MAST2: variants seen among roughly 807,000 people sequenced by gnomAD.
MAST2 encodes the protein microtubule associated serine/threonine kinase 2, also known as microtubule-associated serine/threonine-protein kinase 2.
In MAST2, 70 loss-of-function variants were observed where a neutral mutation model predicts 147.4. The ratio of observed to expected loss-of-function variants is 0.47; its 90% confidence interval spans 0.39 to 0.58. The LOEUF is 0.58. Among genes scored for constraint, MAST2 ranks in the 20% least tolerant of loss-of-function variants. The pLI, the probability that MAST2 is intolerant of heterozygous loss-of-function variation, is 0.00. For missense variants in MAST2, 2,080 were observed against 2,302.3 expected (o/e 0.90, Z 1.98); for synonymous variants, 869 against 896.8 (o/e 0.97, Z 0.55).
intron 17 of MAST2, 119 bp downstream of exon 17, chr1:46,027,982 A>G (rs1020099889): frequency 2.2e-5 from 26 of 1,209,304 alleles, no homozygotes; most frequent in Non-Finnish European, 2.8e-5. Context: ...GCTTGAGGCC[A>G]GCCTGGGCAA....
intron 3 of MAST2, among the ~76,000 whole-genome samples, chr1:45,869,482 A>G (rs1646292316): frequency 6.6e-6 from 1 of 152,216 alleles, no homozygotes; most frequent in Non-Finnish European, 1.5e-5. Flanking sequence ...TCCTGTAGAT[A>G]TATTTTATTT....
At chr1:45,856,304 AAC>A (rs1334804223) in intron 3 of MAST2, among the ~76,000 whole-genome samples, 4 of 152,216 alleles carry the variant, frequency 2.6e-5, no homozygotes, top group Non-Finnish European at 5.9e-5. Flanking sequence ...TAAAAATAAT[AAC>A]AGTTACAATT....
At chr1:45,887,591 A>G (rs1647151021) in intron 4 of MAST2, among the ~76,000 whole-genome samples, 1 of 152,180 alleles carries the variant, frequency 6.6e-6, no homozygotes, top group South Asian at 2.1e-4. Context: ...TGATGTGTCA[A>G]ACTTTGTTCC....
At position 45,885,255 on chromosome 1, in the gene MAST2, C is replaced by T. The variant is rs886839629; in HGVS notation, c.500+2860C>T. ...TTTCTTAGAATGGTTCTCCCAAGAG[C>T]GAATCCTATGGTGTGCTCATTCCAG... is the stretch of plus-strand genomic sequence containing the variant. On this transcript the variant is annotated intron_variant, in intron 4 of 28. Coordinates refer to ENST00000361297, the MANE Select transcript of MAST2 (RefSeq NM_015112.3). 3.3e-5 allele frequency among the ~76,000 whole-genome samples: 5 copies of T among 152,244 alleles called. No homozygotes were observed. In the South Asian group the frequency reaches 6.2e-4, roughly 19 times the overall value.
chr1:45,980,158 G>A (rs938281167), intron 5 of MAST2, among the ~76,000 whole-genome samples: 4 of 151,436 alleles, frequency 2.6e-5, no homozygotes, highest in Admixed American at 1.3e-4. Flanking sequence ...CATGGCACAC[G>A]CCTGTAATCC....
chr1:46,001,086 T>C (rs1645257020), intron 6 of MAST2: 4 of 886,778 alleles, frequency 4.5e-6, no homozygotes, highest in Non-Finnish European at 6.4e-6. Flanking sequence ...ATGATTCTTC[T>C]CTGACTGTGG....
At chr1:45,937,363 C>A (rs917701815) in intron 4 of MAST2, among the ~76,000 whole-genome samples, 1 of 151,152 alleles carries the variant, frequency 6.6e-6, no homozygotes, top group Non-Finnish European at 1.5e-5. Context: ...ACTCCTGGGC[C>A]CAAGCGATCC....
chr1:45,938,894 A>T (rs1387713322), intron 4 of MAST2, among the ~76,000 whole-genome samples: 1 of 151,862 alleles, frequency 6.6e-6, no homozygotes, highest in African/African-American at 2.4e-5. Context: ...TCATTTAAAA[A>T]ATCTGTTCGT....
At chr1:45,817,801 A>G (rs1409961773) in intron 1 of MAST2, among the ~76,000 whole-genome samples, 1 of 152,230 alleles carries the variant, frequency 6.6e-6, no homozygotes, top group Non-Finnish European at 1.5e-5. Flanking sequence ...TTGTTGCAAA[A>G]GTAATTGTGG....
Position 45,999,235 on chromosome 1 carries a change from A to G in MAST2, c.668+1436A>G, listed in dbSNP as rs1645178015. Among the ~76,000 whole-genome samples the G allele has an allele frequency of 3.3e-5, 5 of 152,340 alleles. No individual in the cohort carries two copies. The South Asian group carries it at 1.0e-3, about 32-fold the overall frequency. On this transcript the variant is annotated intron_variant, in intron 6 of 28. Transcript: ENST00000361297. ...CTTCAACCCACTTACCTTATTCAAAACAAATTTTATCCAGGTTTGTTCCAC... is the reference window on the plus strand; with the variant it reads ...CTTCAACCCACTTACCTTATTCAAAGCAAATTTTATCCAGGTTTGTTCCAC...
intron 5 of MAST2, among the ~76,000 whole-genome samples, chr1:45,977,294 C>T (rs1644201886): frequency 6.6e-6 from 1 of 151,166 alleles, no homozygotes; most frequent in Non-Finnish European, 1.5e-5. Flanking sequence ...TCGAGACCAG[C>T]CTGGCTGACA....
chr1:45,819,304 C>A (rs979181083), intron 1 of MAST2, among the ~76,000 whole-genome samples: 1 of 150,210 alleles, frequency 6.7e-6, no homozygotes, highest in African/African-American at 2.4e-5. Flanking sequence ...AAATTCTAAT[C>A]ATGCAAACCA....
chr1:46,000,209 G>T (rs1018497551), intron 6 of MAST2, among the ~76,000 whole-genome samples: 4 of 152,242 alleles, frequency 2.6e-5, no homozygotes, highest in African/African-American at 9.6e-5. Context: ...AGCTGCTCGG[G>T]AGGCTGAGGC....
intron 3 of MAST2, among the ~76,000 whole-genome samples, chr1:45,881,163 G>A (rs923050421): frequency 6.6e-6 from 1 of 151,992 alleles, no homozygotes; most frequent in East Asian, 1.9e-4. Context: ...TGCGCACTAG[G>A]AAACAACTAC....
At chr1:45,862,174 A>G (rs1250585491) in intron 3 of MAST2, among the ~76,000 whole-genome samples, 1 of 152,220 alleles carries the variant, frequency 6.6e-6, no homozygotes, top group East Asian at 1.9e-4. Flanking sequence ...GTGGCAGGAA[A>G]TTTTGAGCAG....
chr1:45,818,518 T>C (rs1644524175), intron 1 of MAST2, among the ~76,000 whole-genome samples: 1 of 152,242 alleles, frequency 6.6e-6, no homozygotes, highest in African/African-American at 2.4e-5. Flanking sequence ...ACTCAGCTCA[T>C]GAGGCACCCA....
Position 46,032,706 on chromosome 1 carries a change from G to A in MAST2, c.3525G>A (p.Glu1175=). 1 of 1,613,524 alleles carries A rather than the reference G, an allele frequency of 6.2e-7. No individual in the cohort carries two copies. Among genetic ancestry groups the A allele is most frequent in the Non-Finnish European group, 8.5e-7 (1 of 1,179,586 alleles). Residue 1175 remains glutamate (E), a synonymous_variant, in exon 26 of 29, where the codon GAG becomes GAA. Transcript: ENST00000361297. ...VHGLVHTEVV[E]LILKSGNKVA... is the part of the protein sequence containing the mutation. The stretch of plus-strand genomic sequence containing the variant: ...GCCTGGTGCACACGGAGGTGGTAGA[G>A]CTGATCCTGAAGGTTAGTGCTGGGC...
At chr1:46,000,950 T>G (rs1645250390) in intron 6 of MAST2, 7 of 1,289,518 alleles carry the variant, frequency 5.4e-6, no homozygotes, top group Non-Finnish European at 6.1e-6. Flanking sequence ...GTGTATTTTT[T>G]TACTACAGCC....
intron 5 of MAST2, among the ~76,000 whole-genome samples, chr1:45,969,514 G>C (rs1238000002): frequency 1.3e-5 from 2 of 152,138 alleles, no homozygotes; most frequent in African/African-American, 4.8e-5. Flanking sequence ...CCTCCTGTCA[G>C]ATCAGCTGCA....
Sources: allele counts gnomAD v4.1 joint callset (sites outside exome capture counted in the v4.1 genomes callset), GRCh38; gene constraint gnomAD v4.1.1; transcripts MANE v1.5; gene names NCBI Gene and HGNC (gene_info 2026-07-23, HGNC 2026-07-21).